The following GPLD1 variants were observed in gnomAD, a reference collection of about 807,000 sequenced individuals.
GPLD1 encodes glycosylphosphatidylinositol specific phospholipase D1.
A neutral mutation model predicts 112.6 loss-of-function variants in GPLD1; 84 were observed. The ratio of observed to expected loss-of-function variants is 0.75; its 90% CI spans 0.63 to 0.89. GPLD1 has a LOEUF of 0.89. GPLD1 is among the 40% of genes least tolerant of loss of function. GPLD1 has a pLI of 0.00. For synonymous variants in GPLD1, 386 were observed against 403.8 expected, an observed-to-expected ratio of 0.96 and a Z score of 0.53; for missense variants, 1,044 against 1,051.5, an observed-to-expected ratio of 0.99 and a Z score of 0.10.
At chr6:24,449,084 G>A (rs1360977037) in intron 15 of GPLD1, among the ~76,000 whole-genome samples, 1 of 151,948 alleles carries the variant, frequency 6.6e-6, no homozygotes, top group Non-Finnish European at 1.5e-5. Context: ...TCTGCAAGAA[G>A]TGACATGTCA....
At chr6:24,471,493 A>G (rs977042597) in intron 7 of GPLD1, among the ~76,000 whole-genome samples, 7 of 152,170 alleles carry the variant, frequency 4.6e-5, no homozygotes, top group African/African-American at 1.4e-4. Flanking sequence ...ACAGAAAACC[A>G]AAACAGAGAA....
At chr6:24,425,068 C>G (rs768658525), downstream of GPLD1, 4 of 152,184 alleles carry the variant, frequency 2.6e-5, no homozygotes, top group Non-Finnish European at 5.9e-5. Flanking sequence ...GTCAGGAACA[C>G]GCGTCATGGT....
Position 24,437,146 on chromosome 6 carries a change from G to T in GPLD1, c.2164C>A (p.Leu722Met). The T allele has an allele frequency of 6.2e-7, 1 of 1,614,262 alleles. No individual in the cohort carries two copies. Among genetic ancestry groups the T allele is most frequent in the Non-Finnish European group, 8.5e-7 (1 of 1,180,044 alleles). Reference sequence around the variant, plus strand: ...TCATCATCCAGGTCACTCAAGTGCAGAACGCCACCAAATCGGGAGAAGCGG... The same window carrying T: ...TCATCATCCAGGTCACTCAAGTGCATAACGCCACCAAATCGGGAGAAGCGG... ...DRRFSRFGGV[L>M]HLSDLDDDGL... Residue 722 changes from leucine to methionine, a missense_variant, in exon 21 of 25, where the codon CTG (leucine) becomes ATG (methionine). Transcript: ENST00000230036.
intron 1 of GPLD1, among the ~76,000 whole-genome samples, chr6:24,487,081 G>A (rs1189279712): frequency 1.3e-5 from 2 of 152,146 alleles, no homozygotes; most frequent in African/African-American, 2.4e-5. Flanking sequence ...TATTTCTGTT[G>A]TGAATCACCT....
At position 24,436,712 on chromosome 6, in the gene GPLD1, AG is replaced by A. The variant is rs749977099; in HGVS notation, c.2221del (p.Leu741Ter). ...TCCAGAGGTTACATCTGCTATCCTC[AG>A]GGGGGCTGCCATGATGATTTCATCT... ...GLDEIIMAAP[L>X]RIADVTSGLI... On this transcript the variant is annotated frameshift_variant, in exon 22 of 25. Transcript: ENST00000230036. LOFTEE classifies it high-confidence loss of function. The A allele has an allele frequency of 4.3e-6, 7 of 1,613,888 alleles. No individual in the cohort carries two copies. Among genetic ancestry groups the A allele is most frequent in the Non-Finnish European group, 4.2e-6 (5 of 1,179,944 alleles).
At position 24,456,553 on chromosome 6, in the gene GPLD1, C is replaced by G; in HGVS notation, c.1093G>C (p.Val365Leu). 6.2e-7 allele frequency: 1 copy of G among 1,609,786 alleles called. No individual in the cohort carries two copies. The highest frequency in any genetic ancestry group is 8.5e-7 in the Non-Finnish European group (1 of 1,176,096). ...AAGTAAGATGCTAAGGGGCTGGAGA[C>G]GTGCTTTTGTGACAACTGAGAGCCA... ...IGGSQLSQKH[V>L]SSPLASYFLS... Residue 365 changes from valine to leucine, a missense_variant, in exon 13 of 25, where the codon GTC becomes CTC. Physicochemically the swap from Val to Leu is conservative, Grantham distance 32. Transcript: ENST00000230036.
In GPLD1 at chr6:24,447,378, C is replaced by A. The variant is rs539796864; in HGVS notation, c.1679-399G>T. Reference sequence around the variant, plus strand: ...AAAATTAGCCGGGCATGGTGGCATGCGCCTGTAGTCCCCACCTGTAGTCCC... The same window carrying A: ...AAAATTAGCCGGGCATGGTGGCATGAGCCTGTAGTCCCCACCTGTAGTCCC... On this transcript the variant is annotated intron_variant, in intron 17 of 24. Coordinates refer to ENST00000230036, the MANE Select transcript of GPLD1 (RefSeq NM_001503.4). 2.6e-5 allele frequency among the ~76,000 whole-genome samples: 4 copies of A among 152,106 alleles called. No individual in the cohort carries two copies. The South Asian group carries it at 8.3e-4, about 32-fold the overall frequency.
intron 20 of GPLD1, among the ~76,000 whole-genome samples, chr6:24,444,666 C>CAT (rs1762850423): frequency 6.6e-6 from 1 of 151,942 alleles, no homozygotes; most frequent in African/African-American, 2.4e-5. Context: ...GTCTGGCCAA[C>CAT]ATGTTGAGAC....
intron 20 of GPLD1, among the ~76,000 whole-genome samples, chr6:24,442,087 A>G (rs1762766117): frequency 6.7e-6 from 1 of 149,728 alleles, no homozygotes; most frequent in Non-Finnish European, 1.5e-5. Flanking sequence ...CATATTATAT[A>G]CATACATAAA....
Position 24,437,132 on chromosome 6 carries a change from G to A in GPLD1, c.2178C>T (p.Asp726=). 1 of 1,614,134 alleles carries A rather than the reference G, an allele frequency of 6.2e-7. No individual in the cohort carries two copies. The highest frequency in any genetic ancestry group is 8.5e-7 in the Non-Finnish European group (1 of 1,179,966). Residue 726 remains aspartate, a synonymous_variant, in exon 21 of 25, where the codon GAC becomes GAT. Transcript: ENST00000230036. ...SRFGGVLHLS[D]LDDDGLDEII... The stretch of plus-strand genomic sequence containing the variant: ...TCTTACCTAAGCCATCATCATCCAG[G>A]TCACTCAAGTGCAGAACGCCACCAA...
rs2127302823 is a variant in GPLD1, at chr6:24,426,392, C to T, written c.*2640G>A. Among the ~76,000 whole-genome samples the T allele has an allele frequency of 2.6e-5, 4 of 152,182 alleles. No homozygotes were observed. In the Middle Eastern group the frequency reaches 0.01, roughly 388 times the overall value. On this transcript the variant is annotated 3_prime_UTR_variant, in exon 25 of 25. Coordinates refer to ENST00000230036, the MANE Select transcript of GPLD1 (RefSeq NM_001503.4). ...GTATGCCAGGTTTTTTACATACGTG[C>T]CATATCAGTTGACCTTTTACAGTAG... is the stretch of plus-strand genomic sequence containing the variant.
At chr6:24,455,934 G>A (rs541522665) in intron 13 of GPLD1, among the ~76,000 whole-genome samples, 3 of 152,248 alleles carry the variant, frequency 2.0e-5, no homozygotes, top group South Asian at 2.1e-4. Flanking sequence ...CAGCACTTTG[G>A]GGGGCTGAGG....
chr6:24,458,150 G>A (rs983340347), intron 12 of GPLD1, among the ~76,000 whole-genome samples: 7 of 151,708 alleles, frequency 4.6e-5, no homozygotes, highest in African/African-American at 1.7e-4. Flanking sequence ...AGGGTGACAT[G>A]AGACCAAACA....
rs779279633 is a variant in GPLD1, at chr6:24,445,819, C to T, written c.1833G>A (p.Leu611=). ...TWKNASRLGH[L]LHIRDEKKSL... The stretch of plus-strand genomic sequence containing the variant: ...TCTTTTTCTCATCTCGGATGTGTAA[C>T]AAATGGCCCAGCCTAGAATGAAGCA... The change falls in exon 19 of 25, where the codon TTG becomes TTA. Residue 611 remains leucine (L), a synonymous_variant. Transcript: ENST00000230036. The T allele has an allele frequency of 3.1e-6, 5 of 1,612,098 alleles. No homozygotes were observed. Among genetic ancestry groups the T allele is most frequent in the Admixed American group, 3.3e-5 (2 of 59,916 alleles).
In GPLD1 at chr6:24,466,901, G is replaced by A. The variant is rs1231489378; in HGVS notation, c.681+11C>T. 3.1e-6 allele frequency: 5 copies of A among 1,608,330 alleles called. No homozygotes were observed. The highest frequency in any genetic ancestry group is 4.3e-6 in the Non-Finnish European group (5 of 1,174,800). On this transcript the variant is annotated intron_variant, in intron 9 of 24. Coordinates refer to ENST00000230036, the MANE Select transcript of GPLD1 (RefSeq NM_001503.4). ...ATAATCCTTTAAGATTTGGAAGAAT[G>A]ACGCCTTTACCTTGGAAACAGCTAG...
exon 1 of GPLD1, chr6:24,495,049 C>A: frequency 7.4e-7 from 1 of 1,354,650 alleles, no homozygotes; most frequent in Non-Finnish European, 9.5e-7. Flanking sequence ...CTCGGGTCGA[C>A]GTTTCCAGGC....
At chr6:24,492,505 CAAAAAAAAA>C (rs57089818), upstream of GPLD1, among the ~76,000 whole-genome samples, 3 of 81,528 alleles carry the variant, frequency 3.7e-5, no homozygotes, top group African/African-American at 9.0e-5. Context: ...GACCCTGACT[CAAAAAAAAA>C]AAAAAAAAAA....
chr6:24,486,226 G>A lies in GPLD1; in HGVS notation c.98-96C>T, dbSNP rs1304929128. The A allele has an allele frequency of 6.3e-6, 5 of 794,034 alleles. No homozygotes were observed. In the Admixed American group the frequency reaches 8.3e-5, roughly 13 times the overall value. The allele number at this position is 794,034 out of a possible 1,614,324, so 49.2% of individuals were successfully genotyped here. On this transcript the variant is annotated intron_variant, in intron 1 of 24. Coordinates refer to ENST00000230036, the MANE Select transcript of GPLD1 (RefSeq NM_001503.4). ...TTAAAAGAAAAATACACAATTTGTG[G>A]TTATAACTGTCAAGGACGCAGGAAA...
At position 24,426,592 on chromosome 6, in the gene GPLD1, G is replaced by C. The variant is rs2298061; in HGVS notation, c.*2440C>G. ...GGTAAATAATGGTCATGTTTAAACA[G>C]AGGCCTTATCATTTAGTGAAGCATA... On this transcript the variant is annotated 3_prime_UTR_variant, in exon 25 of 25. Transcript: ENST00000230036. Among the ~76,000 whole-genome samples the C allele has an allele frequency of 0.12, 18,598 of 152,054 alleles. 1,447 individuals are homozygous for C. Among genetic ancestry groups the C allele is most frequent in the East Asian group, 0.16 (815 of 5,164 alleles).
Sources: gnomAD v4.1 joint callset for allele counts (sites outside exome capture counted in the v4.1 genomes callset) on GRCh38, gnomAD v4.1.1 for gene constraint, MANE v1.5 for transcripts, NCBI Gene and HGNC (gene_info 2026-07-23, HGNC 2026-07-21) for gene names.